Variants in NCALD observed in about 807,000 individuals in gnomAD.
NCALD encodes neurocalcin delta, also known as neurocalcin-delta.
In NCALD, 10 loss-of-function variants were observed where a neutral mutation model predicts 18.6. The observed-to-expected ratio is 0.54, with a 90% CI of 0.33 to 0.91. The LOEUF is 0.91. NCALD is among the 40% of genes least tolerant of loss of function. The probability of loss-of-function intolerance (pLI) is 0.03; values close to 1 mark genes in which losing one functional copy is unlikely to be tolerated. For missense variants in NCALD, 184 were observed against 247.6 expected (o/e 0.74, Z 1.72); for synonymous variants, 88 against 87.4 (o/e 1.01, Z -0.04).
At chr8:101,710,147 T>C (rs1368329631) in intron 2 of NCALD, among the ~76,000 whole-genome samples, 2 of 152,150 alleles carry the variant, frequency 1.3e-5, no homozygotes, top group Admixed American at 6.5e-5. Context: ...GGGTGGGCTG[T>C]TGCTTCACCT....
chr8:102,122,160 G>A (rs117424148), intron 1 of NCALD, among the ~76,000 whole-genome samples: 2,560 of 152,322 alleles, frequency 0.017, 44 homozygotes, highest in Admixed American at 0.022. Context: ...AGGCAGTGTC[G>A]CAGCAGCTGA....
At chr8:101,693,111 CA>C in intron 2 of NCALD, 1 of 449,254 alleles carries the variant, frequency 2.2e-6, no homozygotes, top group Non-Finnish European at 4.1e-6. Flanking sequence ...TCAGGAGGGA[CA>C]ACCAGCAGGA....
intron 1 of NCALD, among the ~76,000 whole-genome samples, chr8:102,037,822 A>G (rs1030995035): frequency 6.6e-6 from 1 of 152,168 alleles, no homozygotes; most frequent in African/African-American, 2.4e-5. Context: ...TACCTCCTTT[A>G]TTACCATGAG....
chr8:101,962,805 A>G (rs1819881109), intron 2 of NCALD, among the ~76,000 whole-genome samples: 1 of 152,362 alleles, frequency 6.6e-6, no homozygotes, highest in South Asian at 2.1e-4. Context: ...TGTTTCTCAT[A>G]GAGCAATAAC....
chr8:101,936,367 C>CA (rs1248352095), intron 2 of NCALD, among the ~76,000 whole-genome samples: 2 of 151,974 alleles, frequency 1.3e-5, no homozygotes, highest in African/African-American at 2.4e-5. Flanking sequence ...AAGGCATATG[C>CA]AAAGCAGTGA....
At chr8:101,753,614 A>G (rs1475673822) in intron 1 of NCALD, among the ~76,000 whole-genome samples, 1 of 152,166 alleles carries the variant, frequency 6.6e-6, no homozygotes, top group Non-Finnish European at 1.5e-5. Flanking sequence ...TTGGGATCCA[A>G]TTTTGGCCAA....
chr8:102,114,431 G>A (rs945659457), intron 1 of NCALD, among the ~76,000 whole-genome samples: 12 of 152,198 alleles, frequency 7.9e-5, no homozygotes, highest in African/African-American at 9.7e-5. Flanking sequence ...CTACTGAAGA[G>A]GCTATTGAGA....
intron 4 of NCALD, among the ~76,000 whole-genome samples, chr8:101,836,890 C>G (rs1470842041): frequency 6.6e-6 from 1 of 152,088 alleles, no homozygotes; most frequent in Non-Finnish European, 1.5e-5. Context: ...GAGGAAATTC[C>G]TTATGGCTTA....
intron 1 of NCALD, among the ~76,000 whole-genome samples, chr8:101,729,043 AG>A (rs1459322884): frequency 1.3e-5 from 2 of 152,258 alleles, no homozygotes; most frequent in African/African-American, 4.8e-5. Context: ...CTTAGACATC[AG>A]ATATTTTAGC....
intron 1 of NCALD, among the ~76,000 whole-genome samples, chr8:102,117,273 G>A (rs1278518631): frequency 6.6e-6 from 1 of 152,276 alleles, no homozygotes; most frequent in East Asian, 1.9e-4. Flanking sequence ...CTCCGGCCAG[G>A]GACTATATGA....
chr8:102,074,916 G>A (rs2132308285), intron 1 of NCALD, among the ~76,000 whole-genome samples: 1 of 152,258 alleles, frequency 6.6e-6, no homozygotes, highest in Admixed American at 6.5e-5. Flanking sequence ...TGGGAACTTT[G>A]TTGTACTGCT....
intron 3 of NCALD, chr8:101,690,203 AG>A (rs965382494): frequency 3.2e-6 from 2 of 632,236 alleles, no homozygotes; most frequent in Non-Finnish European, 1.8e-6. Context: ...AGAGGAGGGG[AG>A]GGGGTGGGGT....
chr8:101,900,397 CT>C lies in NCALD; in HGVS notation c.-106-13171del, dbSNP rs1173895052. 2.6e-5 allele frequency among the ~76,000 whole-genome samples: 4 copies of C among 151,566 alleles called. No homozygotes were observed. In the East Asian group the frequency reaches 7.7e-4, roughly 29 times the overall value. On this transcript the variant is annotated intron_variant, in intron 3 of 6. Coordinates refer to the NCALD transcript ENST00000311028. The stretch of plus-strand genomic sequence containing the variant: ...ATGCTTGCTTTGGGTATATTTGGCT[CT>C]TTTTCTAGTTTCTTAAAAAACTAGT...
At chr8:102,041,737 C>CACTG (rs1586966975) in intron 1 of NCALD, among the ~76,000 whole-genome samples, 5 of 149,824 alleles carry the variant, frequency 3.3e-5, no homozygotes, top group African/African-American at 1.3e-4. Context: ...TTTTTGAGCT[C>CACTG]AGAATTCTCC....
chr8:101,936,350 G>T (rs924128720), intron 2 of NCALD, among the ~76,000 whole-genome samples: 2 of 152,040 alleles, frequency 1.3e-5, no homozygotes, highest in Non-Finnish European at 2.9e-5. Context: ...GAGGAGGCGA[G>T]GTACTGAAGG....
chr8:101,865,652 C>A (rs1359968631), intron 4 of NCALD, among the ~76,000 whole-genome samples: 1 of 150,822 alleles, frequency 6.6e-6, no homozygotes, highest in Non-Finnish European at 1.5e-5. Flanking sequence ...AGTGTTTGTG[C>A]ATATGATATT....
At chr8:101,735,851 G>A (rs1017731511) in intron 1 of NCALD, among the ~76,000 whole-genome samples, 3 of 152,248 alleles carry the variant, frequency 2.0e-5, no homozygotes, top group Non-Finnish European at 4.4e-5. Context: ...GAGGTGAGGA[G>A]TGAGGCTCCT....
At chr8:102,055,589 T>C (rs186437290) in intron 1 of NCALD, among the ~76,000 whole-genome samples, 21 of 152,334 alleles carry the variant, frequency 1.4e-4, no homozygotes, top group Non-Finnish European at 2.9e-4. Flanking sequence ...ATGAACCCTT[T>C]TGATGGAACT....
intron 2 of NCALD, among the ~76,000 whole-genome samples, chr8:101,968,349 C>T (rs1351511892): frequency 6.6e-6 from 1 of 152,134 alleles, no homozygotes; most frequent in Non-Finnish European, 1.5e-5. Flanking sequence ...TTTCATATAG[C>T]CCCTTGTACC....
Sources: allele counts gnomAD v4.1 joint callset (sites outside exome capture counted in the v4.1 genomes callset), GRCh38; gene constraint gnomAD v4.1.1; transcripts MANE v1.5; gene names NCBI Gene and HGNC (gene_info 2026-07-23, HGNC 2026-07-21).